The following TTN variants were observed in gnomAD, a reference collection of about 807,000 sequenced individuals.
TTN encodes connectin.
Under a neutral mutation model 3,223.0 loss-of-function variants are expected in TTN, and 1,525 were observed. The ratio of observed to expected loss-of-function variants is 0.47; its 90% CI spans 0.45 to 0.49. The LOEUF (loss-of-function observed/expected upper bound fraction) is 0.49, where lower values mean the gene tolerates loss of function less well. Ranked by LOEUF, TTN falls within the 20% of genes least tolerant of loss-of-function variation. The probability of loss-of-function intolerance (pLI) is 0.00; values close to 1 mark genes in which losing one functional copy is unlikely to be tolerated. For missense variants in TTN, 40,786 were observed against 43,424.0 expected, an observed-to-expected ratio of 0.94 and a Z score of 5.40; for synonymous variants, 14,094 against 15,161.0, an observed-to-expected ratio of 0.93 and a Z score of 5.17.
chr2:178,558,441 T>C lies in TTN; in HGVS notation c.87018A>G (p.Arg29006=), dbSNP rs535863592. 2 of 1,613,806 alleles carry C rather than the reference T, an allele frequency of 1.2e-6. No individual in the cohort carries two copies. Among genetic ancestry groups the C allele is most frequent in the Non-Finnish European group, 8.5e-7 (1 of 1,179,826 alleles). Residue 29006 remains arginine (R), a synonymous_variant, in exon 327 of 363, where the codon AGA becomes AGG. Transcript: ENST00000589042. ...KSTHHVVSGL[R]ENSEYFFRVF... ...CTCGGAAAAAGTATTCAGAATTCTCTCTCAGACCGGAAACAACGTGATGGG... is the reference window on the plus strand; with the variant it reads ...CTCGGAAAAAGTATTCAGAATTCTCCCTCAGACCGGAAACAACGTGATGGG...
At position 178,717,084 on chromosome 2, in the gene TTN, C is replaced by G. The variant is rs1054934179; in HGVS notation, c.25639+11G>C. On this transcript the variant is annotated intron_variant, in intron 88 of 362. Transcript: ENST00000589042. ...GTAAAAGAGATCTTGCTCCTTCACT[C>G]TAACAAGTACCTTGTACACCCAGCT... 1.3e-6 allele frequency: 2 copies of G among 1,596,400 alleles called. No individual in the cohort carries two copies. The highest frequency in any genetic ancestry group is 3.4e-5 in the Admixed American group (2 of 58,820).
In TTN at chr2:178,679,670, G is replaced by A. The variant is rs1343350985; in HGVS notation, c.33593C>T (p.Pro11198Leu). 1.9e-6 allele frequency: 3 copies of A among 1,609,178 alleles called. No individual in the cohort carries two copies. The highest frequency in any genetic ancestry group is 2.5e-6 in the Non-Finnish European group (3 of 1,178,388). ...PVIPVKVPEV[P>L]RKPVPEEKKP... ...CTTCTCTTCTGGAACAGGTTTCCTG[G>A]GTACCTCAGGCACTTTAAAGATATT... Residue 11198 changes from proline (P) to leucine (L), a missense_variant, in exon 141 of 363, where the codon CCC becomes CTC. Coordinates refer to ENST00000589042, the MANE Select transcript of TTN (RefSeq NM_001267550.2).
Position 178,689,520 on chromosome 2 carries a change from G to T in TTN, c.31922C>A (p.Pro10641Gln), listed in dbSNP as rs773886361. Residue 10641 changes from proline (P) to glutamine (Q), a missense_variant, in exon 123 of 363, where the codon CCA becomes CAA. By Grantham distance (76) the Pro-to-Gln change is moderately conservative. Transcript: ENST00000589042. The stretch of plus-strand genomic sequence containing the variant: ...ATGGAGATGGGATTAAGTACCTGCT[G>T]GTGGTGGAGATTCCTCTCTTTGAGT... The part of the protein sequence containing the change: ...IVTQREESPP[P>Q]AVPEIPKKKV... 18 of 1,609,342 alleles carry T rather than the reference G, an allele frequency of 1.1e-5. No individual in the cohort carries two copies. The highest frequency in any genetic ancestry group is 1.5e-5 in the Non-Finnish European group (18 of 1,177,264).
chr2:178,563,165 T>C lies in TTN; in HGVS notation c.82967A>G (p.Glu27656Gly). ...ICAINSEGVG[E>G]PATLPGSVVA... Reference sequence around the variant, plus strand: ...CACTGAGCCAGGTAGAGTTGCAGGTTCACCTACACCTTCAGAATTGATGGC... The same window carrying C: ...CACTGAGCCAGGTAGAGTTGCAGGTCCACCTACACCTTCAGAATTGATGGC... Residue 27656 changes from glutamate (E) to glycine (G), a missense_variant, in exon 326 of 363, where the codon GAA becomes GGA. Glu to Gly is a moderately conservative substitution (Grantham distance 98, BLOSUM62 -2). Coordinates refer to ENST00000589042, the MANE Select transcript of TTN (RefSeq NM_001267550.2). The surrounding 1 kb of genome is among the most constrained non-coding windows in gnomAD (Gnocchi z 4.5). 6.2e-7 allele frequency: 1 copy of C among 1,613,760 alleles called. No individual in the cohort carries two copies. Among genetic ancestry groups the C allele is most frequent in the Non-Finnish European group, 8.5e-7 (1 of 1,179,728 alleles).
At position 178,727,655 on chromosome 2, in the gene TTN, A is replaced by G. The variant is rs367702810; in HGVS notation, c.19923T>C (p.Thr6641=). The G allele has an allele frequency of 9.9e-6, 16 of 1,612,082 alleles. No homozygotes were observed. The highest frequency in any genetic ancestry group is 1.4e-5 in the Non-Finnish European group (16 of 1,179,006). ...LNLYSVDASK[T]GQYTCHVTND... is the part of the protein sequence containing the mutation. ...TGGTAACATGGCAAGTATACTGTCC[A>G]GTCTTAGAAGCATCCACTGAGTAGA... Residue 6641 remains threonine, a synonymous_variant, in exon 68 of 363, where the codon ACT becomes ACC. Transcript: ENST00000589042.
Position 178,719,171 on chromosome 2 carries a change from A to T in TTN, c.24219T>A (p.Thr8073=). The T allele has an allele frequency of 6.2e-7, 1 of 1,611,698 alleles. No individual in the cohort carries two copies. ...TTATCCTTGCACACTGACCTTGCACAGTCAGGACTGCTGAGCACTCATCGG... is the reference window on the plus strand; with the variant it reads ...TTATCCTTGCACACTGACCTTGCACTGTCAGGACTGCTGAGCACTCATCGG... ...AGSDECSAVL[T]VQEPPSFEQT... The change falls in exon 83 of 363, where the codon ACT becomes ACA. Residue 8073 remains threonine, a synonymous_variant. Transcript: ENST00000589042.
Position 178,548,159 on chromosome 2 carries a change from C to G in TTN, c.93467G>C (p.Gly31156Ala). ...ACCAGCTTCAACCCAGAAGTCAGAT[C>G]CCTTTTGTCTCATTTCAAGCAGGTA... ...TGYLLEMRQKGSDFWVEAGHT... is the reference protein window; with the variant it reads ...TGYLLEMRQKASDFWVEAGHT... The change falls in exon 339 of 363, where the codon GGA becomes GCA. Residue 31156 changes from glycine to alanine, a missense_variant. Transcript: ENST00000589042. The surrounding 1 kb of genome is among the most constrained non-coding windows in gnomAD (Gnocchi z 4.3). The G allele has an allele frequency of 6.2e-7, 1 of 1,613,774 alleles. No homozygotes were observed. The highest frequency in any genetic ancestry group is 8.5e-7 in the Non-Finnish European group (1 of 1,179,788).
At chr2:178,751,979 T>C in intron 47 of TTN, 1 of 1,587,708 alleles carries the variant, frequency 6.3e-7, no homozygotes. Context: ...GTCTTCAGAA[T>C]CTGAAAAGGC....
At chr2:178,702,281 T>TA in intron 107 of TTN, 36 bp from the exon 108 acceptor site, 1 of 1,613,442 alleles carries the variant, frequency 6.2e-7, no homozygotes, top group South Asian at 1.1e-5. Context: ...TGTTTTCTGA[T>TA]ATGTTGCAAA....
chr2:178,597,678 T>A lies in TTN; in HGVS notation c.57404A>T (p.Gln19135Leu). 1.2e-6 allele frequency: 2 copies of A among 1,613,364 alleles called. No individual in the cohort carries two copies. Among genetic ancestry groups the A allele is most frequent in the African/African-American group, 2.7e-5 (2 of 75,018 alleles). The change falls in exon 294 of 363, where the codon CAA becomes CTA. Residue 19135 changes from glutamine (Q) to leucine (L), a missense_variant. Transcript: ENST00000589042. The stretch of plus-strand genomic sequence containing the variant: ...GGCTGTGGTCTCAATGGTGGCTTCT[T>A]GAGGTAAGGTTCTTTCATTCATGTT... ...TWNMNERTLP[Q>L]EATIETTAIS... is the part of the protein sequence containing the mutation.
intron 43 of TTN, 105 bp downstream of exon 43, chr2:178,764,072 A>G (rs1302827569): frequency 6.6e-7 from 1 of 1,514,732 alleles, no homozygotes; most frequent in East Asian, 2.3e-5. Context: ...TAAGCTTCAA[A>G]TTATGCATGA....
Position 178,766,574 on chromosome 2 carries a change from G to A in TTN, c.9510C>T (p.Val3170=). ...AGTGGGCATCAACATCGTCTTCATT[G>A]ACCTCAAATTCAACAACAGCACGCT... The part of the protein sequence containing the change: ...EKQRAVVEFE[V]NEDDVDAHWY... The change falls in exon 41 of 363, where the codon GTC becomes GTT. Residue 3170 remains valine (V), a synonymous_variant. Coordinates refer to ENST00000589042, the MANE Select transcript of TTN (RefSeq NM_001267550.2). 6.2e-7 allele frequency: 1 copy of A among 1,613,940 alleles called. No homozygotes were observed.
rs1270401889 is a variant in TTN at position 178,590,175 on chromosome 2, A to G, written c.61550T>C (p.Leu20517Ser). The G allele has an allele frequency of 6.2e-7, 1 of 1,612,170 alleles. No homozygotes were observed. The highest frequency in any genetic ancestry group is 1.7e-5 in the Admixed American group (1 of 59,846). ...DITWTKEGKV[L>S]VREKRVDLIQ... is the part of the protein sequence containing the mutation. ...AAGGTCCACCCTCTTTTCTCGGACC[A>G]ATACTTTGCCTTCCTTAGTCCAAGT... The change falls in exon 304 of 363, where the codon TTG becomes TCG. Residue 20517 changes from leucine to serine, a missense_variant. Coordinates refer to ENST00000589042, the MANE Select transcript of TTN (RefSeq NM_001267550.2).
chr2:178,586,660 C>T lies in TTN; in HGVS notation c.64241G>A (p.Arg21414His), dbSNP rs727504690. 18 of 1,613,036 alleles carry T rather than the reference C, an allele frequency of 1.1e-5. No homozygotes were observed. The highest frequency in any genetic ancestry group is 1.1e-4 in the South Asian group (10 of 91,066). Residue 21414 changes from arginine (R) to histidine (H), a missense_variant, in exon 308 of 363, where the codon CGC (arginine) becomes CAC (histidine). Transcript: ENST00000589042. The stretch of plus-strand genomic sequence containing the variant: ...TTTTACCACTGAGTACTCTGTCCAG[C>T]GATCTGCAGGCTGCTCTTCTTCTCT... Reference protein sequence around the residue: ...SYREEEQPADRWTEYSVVKDL... With the variant: ...SYREEEQPADHWTEYSVVKDL...
Position 178,611,132 on chromosome 2 carries a change from A to T in TTN, c.50997T>A (p.Asp16999Glu). 6.2e-7 allele frequency: 1 copy of T among 1,612,840 alleles called. No homozygotes were observed. The highest frequency in any genetic ancestry group is 8.5e-7 in the Non-Finnish European group (1 of 1,179,232). ...TGTGATCATTCTTCATTGTTAATCT[A>T]TCACTTGCTTTAACTTCTTTGCCAT... ...HKDGKEVKAS[D>E]RLTMKNDHIS... Residue 16999 changes from aspartate to glutamate, a missense_variant, in exon 270 of 363, where the codon GAT becomes GAA. By Grantham distance (45) the Asp-to-Glu change is conservative. Coordinates refer to ENST00000589042, the MANE Select transcript of TTN (RefSeq NM_001267550.2).
At position 178,572,744 on chromosome 2, in the gene TTN, G is replaced by T; in HGVS notation, c.73388C>A (p.Ala24463Asp). The T allele has an allele frequency of 1.9e-6, 3 of 1,613,468 alleles. No homozygotes were observed. The highest frequency in any genetic ancestry group is 2.5e-6 in the Non-Finnish European group (3 of 1,179,610). ...ATCTAAAGATTCTCCATGGTCCCGGGCCCACTTCACCTCAGGTGCAGGCCT... is the reference window on the plus strand; with the variant it reads ...ATCTAAAGATTCTCCATGGTCCCGGTCCCACTTCACCTCAGGTGCAGGCCT... ...KGRPAPEVKW[A>D]RDHGESLDKA... The change falls in exon 326 of 363, where the codon GCC (alanine) becomes GAC (aspartate). Residue 24463 changes from alanine (A) to aspartate (D), a missense_variant. By Grantham distance (126) the Ala-to-Asp change is moderately radical (BLOSUM62 -2). Transcript: ENST00000589042.
At chr2:178,610,905 A>C (rs1451040036) in intron 270 of TTN, 88 bp downstream of exon 270, 4 of 1,520,384 alleles carry the variant, frequency 2.6e-6, no homozygotes, top group Non-Finnish European at 3.5e-6. Context: ...CAGTTCATGA[A>C]GCCAATTATA....
intron 226 of TTN, 51 bp from the exon 227 acceptor site, chr2:178,635,766 T>C: frequency 1.3e-6 from 2 of 1,542,258 alleles, no homozygotes; most frequent in South Asian, 1.2e-5. Context: ...ACAAGTAATA[T>C]ACATAGCTTC....
Position 178,559,985 on chromosome 2 carries a change from G to T in TTN, c.86147C>A (p.Thr28716Lys). The T allele has an allele frequency of 1.9e-6, 3 of 1,613,766 alleles. No homozygotes were observed. Among genetic ancestry groups the T allele is most frequent in the Non-Finnish European group, 2.5e-6 (3 of 1,179,814 alleles). Residue 28716 changes from threonine (T) to lysine (K), a missense_variant, in exon 326 of 363, where the codon ACA becomes AAA. Transcript: ENST00000589042. ...RGTEYTISGL[T>K]TGAEYVFRVK... ...TCTGAAAACATATTCAGCTCCTGTT[G>T]TTAGTCCGCTTATTGTATATTCTGT...
Sources: gnomAD v4.1 joint callset for allele counts on GRCh38, gnomAD v4.1.1 for gene constraint, Gnocchi (gnomAD v3.1) non-coding constraint, MANE v1.5 for transcripts, NCBI Gene and HGNC (gene_info 2026-07-23, HGNC 2026-07-21) for gene names.